RAPGEF1: variants seen among roughly 807,000 people sequenced by gnomAD.
RAPGEF1 encodes CRK SH3-binding GNRP.
A neutral mutation model predicts 143.3 loss-of-function variants in RAPGEF1; 33 were observed. The observed-to-expected ratio is 0.23, with a 90% CI of 0.17 to 0.31. The LOEUF is 0.31. Among genes scored for constraint, RAPGEF1 ranks in the 10% least tolerant of loss-of-function variants. The pLI, the probability that RAPGEF1 is intolerant of heterozygous loss-of-function variation, is 1.00. For missense variants in RAPGEF1, 1,199 were observed against 1,645.4 expected, an observed-to-expected ratio of 0.73 and a Z score of 4.69; for synonymous variants, 629 against 676.5, an observed-to-expected ratio of 0.93 and a Z score of 1.09.
At position 131,604,953 on chromosome 9, in the gene RAPGEF1, G is replaced by A; in HGVS notation, c.2297C>T (p.Ser766Phe). Residue 766 changes from serine to phenylalanine, a missense_variant, in exon 13 of 27, where the codon TCC becomes TTC. This residue lies in a region of RAPGEF1 where 293 missense variants were observed against 356.2 expected (regional missense o/e 0.82). Transcript: ENST00000683357. Reference sequence around the variant, plus strand: ...CACCGAGTCAGTGAAAGAGGTTTCGGAAGGAAGGCAGACAGTATTCCCATG... The same window carrying A: ...CACCGAGTCAGTGAAAGAGGTTTCGAAAGGAAGGCAGACAGTATTCCCATG... ...SFHGNTVCLP[S>F]ETSFTDSSEN... 1 of 1,308,462 alleles carries A rather than the reference G, an allele frequency of 7.6e-7. No individual in the cohort carries two copies. Among genetic ancestry groups the A allele is most frequent in the South Asian group, 1.2e-5 (1 of 81,304 alleles). 81.1% of individuals were successfully genotyped at this position (1,308,462 alleles called of 1,614,324 possible). A position where few individuals can be genotyped will look rare whatever the true frequency, so the allele number is the denominator to read the frequency against.
intron 1 of RAPGEF1, among the ~76,000 whole-genome samples, chr9:131,679,219 G>T (rs957227786): frequency 6.6e-6 from 1 of 152,164 alleles, no homozygotes; most frequent in African/African-American, 2.4e-5. Flanking sequence ...GTCTCAAGAT[G>T]CTACCTCCTT....
chr9:131,640,165 G>T (rs3808798), intron 4 of RAPGEF1, among the ~76,000 whole-genome samples: 42,541 of 152,180 alleles, frequency 0.28, 5,975 homozygotes, highest in South Asian at 0.36. Flanking sequence ...CAGTCTCTCC[G>T]GGGGTTGGAC....
intron 12 of RAPGEF1, among the ~76,000 whole-genome samples, chr9:131,618,625 G>A (rs192352397): frequency 1.8e-4 from 28 of 152,292 alleles, no homozygotes; most frequent in African/African-American, 6.7e-4. Context: ...TGTTGCCCAG[G>A]CTGGACTTGA....
At chr9:131,619,291 G>A in intron 11 of RAPGEF1, 85 bp from the exon 12 acceptor site, 1 of 1,168,672 alleles carries the variant, frequency 8.6e-7, no homozygotes, top group Non-Finnish European at 1.1e-6. Flanking sequence ...GAAAGGCCGT[G>A]GAGGTTGCTC....
At chr9:131,718,003 C>T (rs1003469630) in intron 1 of RAPGEF1, among the ~76,000 whole-genome samples, 2 of 152,110 alleles carry the variant, frequency 1.3e-5, no homozygotes, top group African/African-American at 4.8e-5. Flanking sequence ...CACCAAAACC[C>T]TACCGCAGGA....
intron 1 of RAPGEF1, among the ~76,000 whole-genome samples, chr9:131,730,647 A>G: frequency 7.0e-6 from 1 of 143,244 alleles, no homozygotes; most frequent in East Asian, 2.2e-4. Context: ...GTGAGCCGAG[A>G]TCACCCCATT....
chr9:131,614,526 G>A (rs1367987073), intron 12 of RAPGEF1, among the ~76,000 whole-genome samples: 3 of 152,252 alleles, frequency 2.0e-5, no homozygotes, highest in Non-Finnish European at 2.9e-5. Flanking sequence ...CCAGGAGGTT[G>A]TGGGTAGGGA....
intron 12 of RAPGEF1, among the ~76,000 whole-genome samples, chr9:131,606,990 G>A (rs951785695): frequency 1.8e-4 from 27 of 152,088 alleles, no homozygotes; most frequent in Non-Finnish European, 3.2e-4. Flanking sequence ...GAGGGACAAC[G>A]CAACCCTCTC....
intron 1 of RAPGEF1, among the ~76,000 whole-genome samples, chr9:131,735,782 T>C (rs1837374643): frequency 6.6e-6 from 1 of 152,172 alleles, no homozygotes; most frequent in African/African-American, 2.4e-5. Context: ...CATAGCTGCC[T>C]TGTAGGCAGG....
chr9:131,631,438 C>T (rs977527939), intron 5 of RAPGEF1, among the ~76,000 whole-genome samples: 4 of 152,218 alleles, frequency 2.6e-5, no homozygotes, highest in Admixed American at 6.5e-5. Flanking sequence ...TTCGTGTGGG[C>T]GAGGCGCCTG....
At chr9:131,615,677 G>C (rs1478192058) in intron 12 of RAPGEF1, among the ~76,000 whole-genome samples, 1 of 152,144 alleles carries the variant, frequency 6.6e-6, no homozygotes, top group Non-Finnish European at 1.5e-5. Flanking sequence ...GTTTACATTT[G>C]AGATGACCTT....
chr9:131,687,785 C>T (rs1048927643), intron 1 of RAPGEF1, among the ~76,000 whole-genome samples: 1 of 152,106 alleles, frequency 6.6e-6, no homozygotes, highest in Non-Finnish European at 1.5e-5. Flanking sequence ...ATCCCAGGAT[C>T]CTCCACCCCC....
At chr9:131,660,685 GA>G (rs1973821242) in intron 1 of RAPGEF1, among the ~76,000 whole-genome samples, 2 of 152,204 alleles carry the variant, frequency 1.3e-5, no homozygotes, top group African/African-American at 4.8e-5. Flanking sequence ...AGCTGGATGC[GA>G]CATAGTCAAA....
At chr9:131,671,165 C>A (rs191045389) in intron 1 of RAPGEF1, among the ~76,000 whole-genome samples, 1 of 152,210 alleles carries the variant, frequency 6.6e-6, no homozygotes, top group East Asian at 1.9e-4. Flanking sequence ...AAATAGTGAT[C>A]GTTTTTCAAG....
intron 19 of RAPGEF1, 45 bp from the exon 20 acceptor site, chr9:131,589,031 C>T: frequency 6.3e-7 from 1 of 1,578,442 alleles, no homozygotes; most frequent in Non-Finnish European, 8.7e-7. Flanking sequence ...AACGCAAGGC[C>T]CAGGCAGAGT....
At chr9:131,673,468 T>A (rs747796953) in intron 1 of RAPGEF1, among the ~76,000 whole-genome samples, 2 of 152,250 alleles carry the variant, frequency 1.3e-5, no homozygotes, top group East Asian at 3.8e-4. Context: ...AAAGCAGTTA[T>A]CTTTAAAGTT....
At chr9:131,627,675 C>A (rs551572816) in intron 9 of RAPGEF1, among the ~76,000 whole-genome samples, 2 of 152,186 alleles carry the variant, frequency 1.3e-5, no homozygotes, top group South Asian at 4.1e-4. Flanking sequence ...TAACAGTCAC[C>A]GCTTGAATAT....
chr9:131,686,608 T>C (rs1833372665), intron 1 of RAPGEF1, among the ~76,000 whole-genome samples: 1 of 152,208 alleles, frequency 6.6e-6, no homozygotes, highest in African/African-American at 2.4e-5. Flanking sequence ...TCCCACAGAC[T>C]TCCTTGACCT....
chr9:131,684,561 T>G (rs1396325762), intron 1 of RAPGEF1, among the ~76,000 whole-genome samples: 2 of 152,218 alleles, frequency 1.3e-5, no homozygotes, highest in African/African-American at 4.8e-5. Context: ...ACACCGCAGA[T>G]ACAACTGAAT....
Sources: allele counts gnomAD v4.1 joint callset (sites outside exome capture counted in the v4.1 genomes callset), GRCh38; gene constraint gnomAD v4.1.1; regional missense constraint gnomAD v4.1.1; transcripts MANE v1.5; gene names NCBI Gene and HGNC (gene_info 2026-07-23, HGNC 2026-07-21).